The following IQUB variants were observed in gnomAD, a reference collection of about 807,000 sequenced individuals.
IQUB encodes the protein IQ motif and ubiquitin domain containing.
In IQUB, 86 loss-of-function variants were observed where a neutral mutation model predicts 86.4. That is an observed-to-expected ratio of 1.00 (90% CI 0.84 to 1.19). The LOEUF (loss-of-function observed/expected upper bound fraction) is 1.19. Ranked by LOEUF, IQUB falls within the 50% of genes most tolerant of loss-of-function variation. IQUB has a pLI of 0.00. For synonymous variants in IQUB, 289 were observed against 304.5 expected, an observed-to-expected ratio of 0.95 and a Z score of 0.53; for missense variants, 946 against 916.9, an observed-to-expected ratio of 1.03 and a Z score of -0.41.
At position 123,465,005 on chromosome 7, in the gene IQUB, T is replaced by G; in HGVS notation, c.1586A>C (p.His529Pro). The G allele has an allele frequency of 1.3e-6, 2 of 1,564,582 alleles. No individual in the cohort carries two copies. Among genetic ancestry groups the G allele is most frequent in the South Asian group, 1.2e-5 (1 of 83,848 alleles). The change falls in exon 10 of 13, where the codon CAT (histidine) becomes CCT (proline). Residue 529 changes from histidine to proline, a missense_variant. Transcript: ENST00000324698. ...AATTTCCTGAGTTAGTTTACATTCA[T>G]GTTCCTATATAAAACACAAAAATAT... The part of the protein sequence containing the change: ...LLTLKHTVKE[H>P]ECKLTQEILE...
intron 10 of IQUB, among the ~76,000 whole-genome samples, chr7:123,464,349 A>ATT (rs1794146400): frequency 1.3e-5 from 2 of 151,898 alleles, no homozygotes; most frequent in Non-Finnish European, 2.9e-5. Context: ...TTCAGTAATA[A>ATT]TTATAACTTT....
chr7:123,480,463 C>T (rs1794956749), intron 7 of IQUB, among the ~76,000 whole-genome samples: 1 of 152,112 alleles, frequency 6.6e-6, no homozygotes, highest in Admixed American at 6.6e-5. Flanking sequence ...ATGTGCCCAA[C>T]AGTGGACATT....
At chr7:123,522,809 C>T (rs1426798954) in intron 1 of IQUB, among the ~76,000 whole-genome samples, 1 of 151,256 alleles carries the variant, frequency 6.6e-6, no homozygotes, top group East Asian at 2.0e-4. Flanking sequence ...CCCATTAACT[C>T]GTCATCTAGC....
At chr7:123,492,526 T>C (rs1795518325) in intron 7 of IQUB, among the ~76,000 whole-genome samples, 1 of 152,232 alleles carries the variant, frequency 6.6e-6, no homozygotes, top group Middle Eastern at 3.4e-3. Context: ...ATAGGACTTA[T>C]TGAAATTAAA....
At chr7:123,513,688 G>A (rs888772328) in intron 1 of IQUB, among the ~76,000 whole-genome samples, 34 of 152,146 alleles carry the variant, frequency 2.2e-4, no homozygotes, top group Middle Eastern at 3.4e-3. Context: ...TTGCTCTGTC[G>A]CCCAGGCTGG....
intron 1 of IQUB, among the ~76,000 whole-genome samples, chr7:123,533,142 G>C (rs1234474542): frequency 6.6e-6 from 1 of 152,188 alleles, no homozygotes; most frequent in African/African-American, 2.4e-5. Context: ...AATTCAAAAC[G>C]AGTCTACTCA....
intron 11 of IQUB, among the ~76,000 whole-genome samples, chr7:123,458,938 A>T (rs539181595): frequency 3.9e-5 from 6 of 151,988 alleles, no homozygotes; most frequent in Non-Finnish European, 8.8e-5. Context: ...TTCATTTTAC[A>T]TGGCATCATG....
At chr7:123,529,715 G>GTCTC (rs1205047247) in intron 1 of IQUB, among the ~76,000 whole-genome samples, 2 of 77,524 alleles carry the variant, frequency 2.6e-5, no homozygotes, top group Non-Finnish European at 4.6e-5. Flanking sequence ...GTGAAACCCT[G>GTCTC]TCTCTACTTA....
At chr7:123,497,279 C>A (rs1011833082) in intron 6 of IQUB, among the ~76,000 whole-genome samples, 2 of 152,108 alleles carry the variant, frequency 1.3e-5, no homozygotes, top group African/African-American at 4.8e-5. Context: ...TAAGAGTATA[C>A]ATATAAAGTG....
At chr7:123,481,386 C>G (rs1007693359) in intron 7 of IQUB, among the ~76,000 whole-genome samples, 1 of 152,048 alleles carries the variant, frequency 6.6e-6, no homozygotes, top group African/African-American at 2.4e-5. Flanking sequence ...AAATTTCTGT[C>G]AAGATAGAAG....
chr7:123,534,406 A>T (rs1362072166), intron 1 of IQUB, 86 bp downstream of exon 1: 1 of 152,478 alleles, frequency 6.6e-6, no homozygotes, highest in African/African-American at 2.4e-5. Flanking sequence ...AGCACACAGA[A>T]CCCAGAGTCC....
chr7:123,500,602 A>G (rs1795900771), intron 6 of IQUB, among the ~76,000 whole-genome samples: 2 of 152,144 alleles, frequency 1.3e-5, no homozygotes, highest in South Asian at 4.1e-4. Context: ...AGGTTAAAAG[A>G]ACTTATTAAA....
At chr7:123,491,892 T>C (rs1795486206) in intron 7 of IQUB, among the ~76,000 whole-genome samples, 1 of 152,182 alleles carries the variant, frequency 6.6e-6, no homozygotes. Context: ...CCCTTAGGAA[T>C]GTAGATGCAA....
chr7:123,488,700 GT>G (rs1419210355), intron 7 of IQUB, among the ~76,000 whole-genome samples: 1 of 152,200 alleles, frequency 6.6e-6, no homozygotes, highest in Non-Finnish European at 1.5e-5. Context: ...TATGAGGCCT[GT>G]TTGGGGAAAA....
intron 7 of IQUB, among the ~76,000 whole-genome samples, chr7:123,495,107 G>GA (rs1251816325): frequency 3.3e-5 from 5 of 152,116 alleles, no homozygotes; most frequent in East Asian, 1.9e-4. Context: ...TCATCTGACA[G>GA]AAAAAATGGA....
intron 9 of IQUB, among the ~76,000 whole-genome samples, chr7:123,465,687 G>C (rs367772195): frequency 3.3e-5 from 5 of 152,168 alleles, no homozygotes; most frequent in South Asian, 4.1e-4. Context: ...GGAGTCAGAA[G>C]ATAAAGTCAT....
At chr7:123,522,756 G>T (rs1025802401) in intron 1 of IQUB, among the ~76,000 whole-genome samples, 8 of 151,996 alleles carry the variant, frequency 5.3e-5, no homozygotes, top group African/African-American at 1.9e-4. Flanking sequence ...ACAATGTGCA[G>T]GTTACTTACA....
Position 123,510,036 on chromosome 7 carries a change from C to A in IQUB, c.398-1G>T, listed in dbSNP as rs752762805. Reference sequence around the variant, plus strand: ...CCCACTGGAATAAGTACAACTTTTACTGTAAATTAAATAGAAAAGAAAGAA... The same window carrying A: ...CCCACTGGAATAAGTACAACTTTTAATGTAAATTAAATAGAAAAGAAAGAA... On this transcript the variant is annotated splice_acceptor_variant, in intron 2 of 12. Coordinates refer to ENST00000324698, the MANE Select transcript of IQUB (RefSeq NM_178827.5). LOFTEE classifies it high-confidence loss of function. 7 of 1,533,586 alleles carry A rather than the reference C, an allele frequency of 4.6e-6. No homozygotes were observed. In the Admixed American group the frequency reaches 9.8e-5, roughly 21 times the overall value. The allele number at this position is 1,533,586 out of a possible 1,614,324, so 95.0% of individuals were successfully genotyped here.
chr7:123,530,293 G>A (rs1245116776), intron 1 of IQUB, among the ~76,000 whole-genome samples: 14 of 151,200 alleles, frequency 9.3e-5, no homozygotes, highest in African/African-American at 2.7e-4. Flanking sequence ...AAAATTAGCC[G>A]GGCATGGTGG....
Sources: gnomAD v4.1 joint callset for allele counts (sites outside exome capture counted in the v4.1 genomes callset) on GRCh38, gnomAD v4.1.1 for gene constraint, MANE v1.5 for transcripts, NCBI Gene and HGNC (gene_info 2026-07-23, HGNC 2026-07-21) for gene names.